DST: variants seen among roughly 807,000 people sequenced by gnomAD.
DST encodes the protein bullous pemphigoid antigen.
A neutral mutation model predicts 875.2 loss-of-function variants in DST; 253 were observed. The ratio of observed to expected loss-of-function variants is 0.29; its 90% CI spans 0.26 to 0.32. DST has a LOEUF of 0.32. Among genes scored for constraint, DST ranks in the 10% least tolerant of loss-of-function variants. The pLI is 1.00. For synonymous variants in DST, 3,124 were observed against 3,197.1 expected (o/e 0.98, Z 0.77); for missense variants, 8,287 against 9,111.6 (o/e 0.91, Z 3.68).
chr6:56,505,407 C>T (rs1417129882), intron 77 of DST, among the ~76,000 whole-genome samples: 2 of 151,422 alleles, frequency 1.3e-5, no homozygotes, highest in African/African-American at 4.9e-5. Flanking sequence ...ATGACCTAGC[C>T]TCACAGACTG....
intron 2 of DST, among the ~76,000 whole-genome samples, chr6:56,910,617 T>A (rs1182082860): frequency 6.6e-6 from 1 of 152,126 alleles, no homozygotes; most frequent in East Asian, 1.9e-4. Flanking sequence ...CCCAAGTAGC[T>A]GGGATTACAG....
At chr6:56,673,185 T>C (rs1588273079) in intron 9 of DST, among the ~76,000 whole-genome samples, 1 of 152,132 alleles carries the variant, frequency 6.6e-6, no homozygotes, top group East Asian at 1.9e-4. Flanking sequence ...GTTGAGGCTG[T>C]AGTGAGCCAT....
In DST at chr6:56,458,178, T is replaced by C. The variant is rs2094160806; in HGVS notation, c.*827A>G. The C allele has an allele frequency of 6.6e-6, 1 of 152,644 alleles. No homozygotes were observed. Among genetic ancestry groups the C allele is most frequent in the Admixed American group, 6.5e-5 (1 of 15,282 alleles). 9.5% of individuals were successfully genotyped at this position (152,644 alleles called of 1,614,324 possible). A position where few individuals can be genotyped will look rare whatever the true frequency, so the allele number is the denominator to read the frequency against. ...GTATCTTTTGGTCACTCCAAATTGA[T>C]ATTGCTCATAAAAAAATACACTAGT... is the stretch of plus-strand genomic sequence containing the variant. On this transcript the variant is annotated 3_prime_UTR_variant, in exon 104 of 104. Transcript: ENST00000680361.
At chr6:56,568,901 G>A (rs977172313) in intron 54 of DST, among the ~76,000 whole-genome samples, 2 of 152,098 alleles carry the variant, frequency 1.3e-5, no homozygotes, top group Non-Finnish European at 2.9e-5. Flanking sequence ...TCAACTGTAA[G>A]TCTGTAAAAC....
Position 56,598,364 on chromosome 6 carries a change from T to C in DST, c.11928+112A>G, listed in dbSNP as rs966934599. 3 of 673,392 alleles carry C rather than the reference T, an allele frequency of 4.5e-6. No homozygotes were observed. In the African/African-American group the frequency reaches 5.5e-5, roughly 12 times the overall value. The allele number at this position is 673,392 out of a possible 1,614,324, so 41.7% of individuals were successfully genotyped here. On this transcript the variant is annotated intron_variant, in intron 46 of 103. Transcript: ENST00000680361. ...ATGTACCTGGAAACCCAGAATCCCA[T>C]AATAATCCTTAGTGATAATCCTTAT... is the stretch of plus-strand genomic sequence containing the variant.
At chr6:56,695,126 C>CAAA (rs34456344) in intron 9 of DST, among the ~76,000 whole-genome samples, 17 of 70,042 alleles carry the variant, frequency 2.4e-4, no homozygotes, top group African/African-American at 8.3e-4. Flanking sequence ...GACTCCCTCT[C>CAAA]AAAAAAAAAA....
At chr6:56,867,346 T>C (rs1197625154) in intron 3 of DST, among the ~76,000 whole-genome samples, 1 of 152,228 alleles carries the variant, frequency 6.6e-6, no homozygotes, top group East Asian at 1.9e-4. Flanking sequence ...TGCCCACTAC[T>C]GTTAATATTG....
intron 26 of DST, 32 bp from the exon 27 acceptor site, chr6:56,634,290 G>A (rs775411514): frequency 1.2e-6 from 2 of 1,613,452 alleles, no homozygotes; most frequent in East Asian, 2.2e-5. Context: ...TCAGATTAAT[G>A]TTTTTACTCC....
chr6:56,461,281 A>T (rs1204452671), intron 102 of DST: 1 of 152,226 alleles, frequency 6.6e-6, no homozygotes, highest in Non-Finnish European at 1.5e-5. Flanking sequence ...TTGTATACAT[A>T]GAATGTTCAA....
At chr6:56,855,237 T>C (rs1767268918) in intron 3 of DST, among the ~76,000 whole-genome samples, 1 of 152,190 alleles carries the variant, frequency 6.6e-6, no homozygotes, top group African/African-American at 2.4e-5. Flanking sequence ...GGACATATAA[T>C]AAAACCAATT....
chr6:56,697,504 G>T (rs909880709), intron 9 of DST, among the ~76,000 whole-genome samples: 11 of 152,206 alleles, frequency 7.2e-5, no homozygotes, highest in Admixed American at 7.2e-4. Flanking sequence ...CACCGAAAAA[G>T]ATTTATGGAC....
intron 93 of DST, among the ~76,000 whole-genome samples, chr6:56,473,573 C>T (rs985058082): frequency 6.6e-6 from 1 of 152,072 alleles, no homozygotes; most frequent in East Asian, 1.9e-4. Flanking sequence ...ACAAATGAGA[C>T]AATGCAAAGG....
At position 56,947,402 on chromosome 6, in the gene DST, C is replaced by G. The variant is rs544175825; in HGVS notation, c.216+6383G>C. ...AGTAGCTAGGACTACAGGCGTGCGC[C>G]ACCACACCCAGCTAATTTTTGTATT... On this transcript the variant is annotated intron_variant, in intron 2 of 103. Transcript: ENST00000680361. 1.1e-4 allele frequency among the ~76,000 whole-genome samples: 17 copies of G among 152,218 alleles called. No homozygotes were observed. In the South Asian group the frequency reaches 3.5e-3, roughly 32 times the overall value.
intron 64 of DST, among the ~76,000 whole-genome samples, chr6:56,530,669 C>T (rs928426641): frequency 1.3e-5 from 2 of 152,116 alleles, no homozygotes; most frequent in African/African-American, 4.8e-5. Context: ...AGGTTTACTT[C>T]CCAAAAGCAA....
chr6:56,619,687 TG>T, intron 36 of DST: 1 of 1,614,006 alleles, frequency 6.2e-7, no homozygotes, highest in Non-Finnish European at 8.5e-7. Context: ...CAGCTTTACC[TG>T]TGGTTTGATT....
Position 56,560,257 on chromosome 6 carries a change from T to C in DST, c.14440+37A>G, listed in dbSNP as rs116903027. ...GATAAACATGAAAAATGATTGCACT[T>C]TTCTTCATAGGCATTCATCTAAGTA... On this transcript the variant is annotated intron_variant, in intron 58 of 103. Coordinates refer to ENST00000680361, the MANE Select transcript of DST (RefSeq NM_001374736.1). 860 of 1,521,906 alleles carry C rather than the reference T, an allele frequency of 5.7e-4. 4 individuals are homozygous for C. The East Asian group carries it at 0.018, about 32-fold the overall frequency. The allele number at this position is 1,521,906 out of a possible 1,614,324, so 94.3% of individuals were successfully genotyped here.
intron 88 of DST, chr6:56,484,493 T>C (rs995555702): frequency 6.6e-6 from 1 of 152,078 alleles, no homozygotes; most frequent in African/African-American, 2.4e-5. Flanking sequence ...AAGAGAACAT[T>C]ATAAATGGAA....
intron 4 of DST, among the ~76,000 whole-genome samples, chr6:56,817,649 TTA>T (rs2099768154): frequency 1.3e-5 from 2 of 152,162 alleles, no homozygotes; most frequent in Admixed American, 1.3e-4. Context: ...AATCATATTT[TTA>T]TGTGTTAAAG....
intron 36 of DST, chr6:56,615,719 C>G: frequency 6.2e-7 from 1 of 1,614,118 alleles, no homozygotes; most frequent in African/African-American, 1.3e-5. Context: ...ATCTATAATA[C>G]CTACTTGGAG....
Sources: gnomAD v4.1 joint callset for allele counts (sites outside exome capture counted in the v4.1 genomes callset) on GRCh38, gnomAD v4.1.1 for gene constraint, MANE v1.5 for transcripts, NCBI Gene and HGNC (gene_info 2026-07-23, HGNC 2026-07-21) for gene names.